Variants in TNS1 observed in about 807,000 individuals in gnomAD.
TNS1 encodes tensin 1.
In TNS1, 62 loss-of-function variants were observed where a neutral mutation model predicts 168.6. The observed-to-expected ratio is 0.37, with a 90% CI of 0.30 to 0.45. The LOEUF (loss-of-function observed/expected upper bound fraction) is 0.45, where lower values mean the gene tolerates loss of function less well. Ranked by LOEUF, TNS1 falls within the 20% of genes least tolerant of loss-of-function variation. The pLI, the probability that TNS1 is intolerant of heterozygous loss-of-function variation, is 1.00. For synonymous variants in TNS1, 934 were observed against 933.2 expected (o/e 1.00, Z -0.02); for missense variants, 2,240 against 2,339.4 (o/e 0.96, Z 0.88).
At chr2:217,909,614 C>T (rs1458465054) in intron 4 of TNS1, among the ~76,000 whole-genome samples, 20 of 145,476 alleles carry the variant, frequency 1.4e-4, no homozygotes, top group Middle Eastern at 7.2e-3. Flanking sequence ...GTTAGACCTA[C>T]GGTGGGACTT....
At chr2:217,809,276 GATGC>G (rs1275160368) in intron 30 of TNS1, among the ~76,000 whole-genome samples, 7 of 91,928 alleles carry the variant, frequency 7.6e-5, no homozygotes, top group Admixed American at 2.1e-4. Flanking sequence ...TGGATGGATG[GATGC>G]ATGGATGGAT....
At chr2:217,883,966 G>C (rs1358085638) in intron 16 of TNS1, among the ~76,000 whole-genome samples, 1 of 152,172 alleles carries the variant, frequency 6.6e-6, no homozygotes, top group Non-Finnish European at 1.5e-5. Context: ...TCATGCTTGT[G>C]CGTGTCTCCA....
At chr2:217,831,322 C>G (rs921730506) in intron 22 of TNS1, 133 bp downstream of exon 22, 2 of 703,720 alleles carry the variant, frequency 2.8e-6, no homozygotes, top group African/African-American at 3.8e-5. Context: ...CAGAGAGCCC[C>G]AACCCAGGCC....
At chr2:218,011,692 GC>G (rs71403020), upstream of TNS1, among the ~76,000 whole-genome samples, 2 of 152,004 alleles carry the variant, frequency 1.3e-5, no homozygotes, top group Admixed American at 6.6e-5. Flanking sequence ...TCCTCCGCCT[GC>G]CCCCCGCGAC....
chr2:217,918,034 C>T (rs1469056007), intron 4 of TNS1, among the ~76,000 whole-genome samples: 1 of 152,014 alleles, frequency 6.6e-6, no homozygotes, highest in African/African-American at 2.4e-5. Context: ...AATGACAAGA[C>T]ACGGGTGAAC....
At chr2:217,909,368 G>A (rs946967575) in intron 4 of TNS1, among the ~76,000 whole-genome samples, 5 of 152,090 alleles carry the variant, frequency 3.3e-5, no homozygotes, top group Non-Finnish European at 7.4e-5. Flanking sequence ...CTCCTAGAAT[G>A]GACAGACATG....
At chr2:217,945,062 G>A (rs1957068895) in intron 3 of TNS1, among the ~76,000 whole-genome samples, 1 of 152,166 alleles carries the variant, frequency 6.6e-6, no homozygotes, top group African/African-American at 2.4e-5. Context: ...GAGGTGACTT[G>A]TGGAAGTCCA....
At chr2:217,900,393 C>T (rs1952823196) in intron 7 of TNS1, 70 bp downstream of exon 7, 2 of 1,508,560 alleles carry the variant, frequency 1.3e-6, no homozygotes, top group Non-Finnish European at 1.8e-6. Flanking sequence ...AGAGGCAAGA[C>T]TTAACAGGGA....
exon 1 of TNS1, chr2:218,010,311 C>G: frequency 5.0e-6 from 2 of 396,686 alleles, no homozygotes; most frequent in Non-Finnish European, 8.9e-6. Context: ...CTGCCCTACC[C>G]TGTCCCGGGT....
At chr2:217,876,272 G>A (rs1950191948) in intron 18 of TNS1, among the ~76,000 whole-genome samples, 2 of 152,242 alleles carry the variant, frequency 1.3e-5, no homozygotes, top group African/African-American at 4.8e-5. Context: ...GGAGGAATTT[G>A]GAGCCTGCTT....
In TNS1 at chr2:217,812,417, G is replaced by A; in HGVS notation, c.4983C>T (p.His1661=). ...AAGGCAGGGCCAATGGGATGATGGA[G>A]TGCTGGTAGACCAGGGCAGACAGCG... ...FGSLSALVYQ[H]SIIPLALPCK... is the part of the protein sequence containing the mutation. The change falls in exon 28 of 33, where the codon CAC becomes CAT. Residue 1661 remains histidine, a synonymous_variant. Transcript: ENST00000682258. 1.2e-6 allele frequency: 2 copies of A among 1,614,178 alleles called. No homozygotes were observed. The highest frequency in any genetic ancestry group is 1.7e-6 in the Non-Finnish European group (2 of 1,180,040).
At chr2:217,822,017 A>G in intron 22 of TNS1, 79 bp from the exon 23 acceptor site, 1 of 1,402,408 alleles carries the variant, frequency 7.1e-7, no homozygotes. Flanking sequence ...CCTCCCCTGG[A>G]ACACAGCTTC....
At chr2:217,897,743 G>A in intron 8 of TNS1, 55 bp downstream of exon 8, 3 of 1,504,724 alleles carry the variant, frequency 2.0e-6, no homozygotes, top group Non-Finnish European at 2.7e-6. Flanking sequence ...TAGAGGTGGT[G>A]AGCAGATGGA....
intron 3 of TNS1, among the ~76,000 whole-genome samples, chr2:217,959,329 A>G (rs967937640): frequency 1.3e-4 from 20 of 152,264 alleles, no homozygotes; most frequent in South Asian, 1.2e-3. Flanking sequence ...GAACCTTAGC[A>G]TGGAACCTGG....
chr2:217,935,771 C>T (rs1221786219), intron 3 of TNS1, among the ~76,000 whole-genome samples: 1 of 152,218 alleles, frequency 6.6e-6, no homozygotes, highest in African/African-American at 2.4e-5. Context: ...AAGGTTTATG[C>T]AGAACAGCCT....
intron 18 of TNS1, 114 bp from the exon 19 acceptor site, chr2:217,849,201 A>G (rs7587518): frequency 0.39 from 506,067 of 1,300,200 alleles, 100,837 homozygotes; most frequent in African/African-American, 0.58. Flanking sequence ...CCTGCATCCT[A>G]AAACCTCCTC....
In TNS1 at chr2:217,920,221, C is replaced by T. The variant is rs766013806; in HGVS notation, c.202G>A (p.Val68Ile). 5 of 702,886 alleles carry T rather than the reference C, an allele frequency of 7.1e-6. No individual in the cohort carries two copies. Among genetic ancestry groups the T allele is most frequent in the East Asian group, 2.7e-5 (1 of 37,294 alleles). 43.5% of individuals were successfully genotyped at this position (702,886 alleles called of 1,614,324 possible). The change falls in exon 4 of 33, where the codon GTT becomes ATT. Residue 68 changes from valine (V) to isoleucine (I), a missense_variant. By Grantham distance (29) the Val-to-Ile change is conservative (BLOSUM62 3). Coordinates refer to ENST00000682258, the MANE Select transcript of TNS1 (RefSeq NM_001387777.1). Reference protein sequence around the residue: ...KCQAKVAAPCVPPSNHELVPI... With the variant: ...KCQAKVAAPCIPPSNHELVPI... Reference sequence around the variant, plus strand: ...ACCAGCTCATGGTTGGATGGAGGAACGCAGGGGGCAGCCACCTGTGGAAGG... The same window carrying T: ...ACCAGCTCATGGTTGGATGGAGGAATGCAGGGGGCAGCCACCTGTGGAAGG...
chr2:217,858,736 T>G, intron 18 of TNS1: 1 of 150,354 alleles, frequency 6.7e-6, no homozygotes, highest in Non-Finnish European at 1.3e-5. Flanking sequence ...TCCTGCACGC[T>G]CTCTCCCCAG....
chr2:217,975,542 A>T (rs1210164209), intron 3 of TNS1, among the ~76,000 whole-genome samples: 1 of 152,096 alleles, frequency 6.6e-6, no homozygotes, highest in Non-Finnish European at 1.5e-5. Flanking sequence ...ATAGGAGAGG[A>T]CCAACATCAG....
Sources: allele counts gnomAD v4.1 joint callset (sites outside exome capture counted in the v4.1 genomes callset), GRCh38; gene constraint gnomAD v4.1.1; transcripts MANE v1.5; gene names NCBI Gene and HGNC (gene_info 2026-07-23, HGNC 2026-07-21).